The following YIPF5 variants were observed in gnomAD, a reference collection of about 807,000 sequenced individuals.
The protein encoded by YIPF5 is protein YIPF5.
A neutral mutation model predicts 30.4 loss-of-function variants in YIPF5; 8 were observed. The ratio of observed to expected loss-of-function variants is 0.26; its 90% CI spans 0.15 to 0.47. The LOEUF (loss-of-function observed/expected upper bound fraction) is 0.47, where lower values mean the gene tolerates loss of function less well. Ranked by LOEUF, YIPF5 falls within the 20% of genes least tolerant of loss-of-function variation. The pLI is 0.99. For missense variants in YIPF5, 282 were observed against 301.8 expected (o/e 0.93, Z 0.49); for synonymous variants, 104 against 107.9 (o/e 0.96, Z 0.23).
At chr5:144,169,647 C>T (rs1752305756) in intron 2 of YIPF5, among the ~76,000 whole-genome samples, 199 bp downstream of exon 2, 1 of 152,198 alleles carries the variant, frequency 6.6e-6, no homozygotes, top group Admixed American at 6.5e-5. Flanking sequence ...TTGCAGAAGA[C>T]ACTCAACTCT....
At chr5:144,167,573 G>A (rs983716596) in intron 2 of YIPF5, among the ~76,000 whole-genome samples, 1 of 152,108 alleles carries the variant, frequency 6.6e-6, no homozygotes, top group Admixed American at 6.5e-5. Context: ...AGCATATCTA[G>A]AATACAATGT....
At chr5:144,161,056 TAATA>T (rs1057482203) in intron 5 of YIPF5, among the ~76,000 whole-genome samples, 6 of 152,336 alleles carry the variant, frequency 3.9e-5, no homozygotes, top group East Asian at 1.9e-4. Context: ...TATAAATTCT[TAATA>T]AATAAGAGTG....
chr5:144,163,437 G>T (rs1400570091), intron 4 of YIPF5, among the ~76,000 whole-genome samples: 2 of 152,048 alleles, frequency 1.3e-5, no homozygotes, highest in Non-Finnish European at 2.9e-5. Context: ...AAATAATCTT[G>T]CTAGGTAAGA....
At chr5:144,168,711 A>C (rs558591349) in intron 2 of YIPF5, among the ~76,000 whole-genome samples, 1 of 152,332 alleles carries the variant, frequency 6.6e-6, no homozygotes, top group Admixed American at 6.5e-5. Flanking sequence ...AAATATACCA[A>C]ATTAAGCAGA....
rs1751923090 is a variant in YIPF5 at position 144,158,247 on chromosome 5, A to T, written c.*2150T>A. ...TTGATAAGAGAAGTTTTGGCTATAT[A>T]CAACTCTGCATGTAATCAAACTCTA... On this transcript the variant is annotated 3_prime_UTR_variant, in exon 6 of 6. Transcript: ENST00000274496. 2.6e-6 allele frequency: 1 copy of T among 378,672 alleles called. No homozygotes were observed. Among genetic ancestry groups the T allele is most frequent in the East Asian group, 9.9e-5 (1 of 10,140 alleles). 23.5% of individuals were successfully genotyped at this position (378,672 alleles called of 1,614,324 possible). A position where few individuals can be genotyped will look rare whatever the true frequency, so the allele number is the denominator to read the frequency against.
At chr5:144,168,278 G>A (rs1464189938) in intron 2 of YIPF5, among the ~76,000 whole-genome samples, 1 of 152,106 alleles carries the variant, frequency 6.6e-6, no homozygotes, top group Admixed American at 6.6e-5. Context: ...CCTTTTAAGT[G>A]ATGCAAACGT....
At position 144,158,314 on chromosome 5, in the gene YIPF5, G is replaced by C; in HGVS notation, c.*2083C>G. The C allele has an allele frequency of 1.4e-6, 1 of 728,608 alleles. No homozygotes were observed. The highest frequency in any genetic ancestry group is 2.0e-6 in the Non-Finnish European group (1 of 506,814). 45.1% of individuals were successfully genotyped at this position (728,608 alleles called of 1,614,324 possible). ...TCCACTGCATAGCTGTTTTGACAGA[G>C]CAACAGTTAAGCATAAAATAGCTTT... On this transcript the variant is annotated 3_prime_UTR_variant, in exon 6 of 6. Transcript: ENST00000274496.
intron 1 of YIPF5, chr5:144,170,187 T>C (rs1752333076): frequency 7.5e-6 from 4 of 531,746 alleles, no homozygotes; most frequent in Non-Finnish European, 1.4e-5. Context: ...AACTCCACCT[T>C]AAAGAGCTGA....
rs752749161 is a variant in YIPF5 at position 144,160,599 on chromosome 5, G to A, written c.612-40C>T. ...GAAAAAGGGGGGAGAAGAAAAAAAA[G>A]CAGATGAGATTAGTTATGTAAGAAT... On this transcript the variant is annotated intron_variant, in intron 5 of 5. Coordinates refer to ENST00000274496, the MANE Select transcript of YIPF5 (RefSeq NM_030799.9). The A allele has an allele frequency of 3.9e-6, 6 of 1,536,108 alleles. No individual in the cohort carries two copies. In the Admixed American group the frequency reaches 9.1e-5, roughly 23 times the overall value.
chr5:144,166,076 A>T lies in YIPF5; in HGVS notation c.111-472T>A, dbSNP rs549682977. On this transcript the variant is annotated intron_variant, in intron 2 of 5. Transcript: ENST00000274496. ...AGCCATCGAATTATCATTCTTCTTTACTCTTCATAGTATGTTACTTTTGGC... is the reference window on the plus strand; with the variant it reads ...AGCCATCGAATTATCATTCTTCTTTTCTCTTCATAGTATGTTACTTTTGGC... Among the ~76,000 whole-genome samples the T allele has an allele frequency of 6.4e-4, 97 of 152,250 alleles. 1 individual carries two copies. The highest frequency in any genetic ancestry group is 8.7e-4 in the Non-Finnish European group (59 of 67,994).
intron 2 of YIPF5, among the ~76,000 whole-genome samples, chr5:144,169,371 T>C (rs1209821511): frequency 6.6e-6 from 1 of 152,238 alleles, no homozygotes; most frequent in Non-Finnish European, 1.5e-5. Context: ...TCAACTGCTG[T>C]ATGAAAATCG....
At chr5:144,162,549 C>G in intron 4 of YIPF5, 150 bp from the exon 5 acceptor site, 1 of 713,744 alleles carries the variant, frequency 1.4e-6, no homozygotes, top group Non-Finnish European at 2.3e-6. Flanking sequence ...AAAGACTGAG[C>G]AGACTGGCTT....
At chr5:144,169,339 G>A (rs1173017784) in intron 2 of YIPF5, among the ~76,000 whole-genome samples, 1 of 152,184 alleles carries the variant, frequency 6.6e-6, no homozygotes, top group Non-Finnish European at 1.5e-5. Context: ...GGTTTGAGAA[G>A]GAGGAGTAAT....
In YIPF5 at chr5:144,158,609, C is replaced by G; in HGVS notation, c.*1788G>C. The G allele has an allele frequency of 9.4e-7, 1 of 1,063,846 alleles. No individual in the cohort carries two copies. The highest frequency in any genetic ancestry group is 1.1e-6 in the Non-Finnish European group (1 of 878,364). The allele number at this position is 1,063,846 out of a possible 1,614,324, so 65.9% of individuals were successfully genotyped here. ...TTAACAAAAACTATACTGAAAAAGACAAATGAATTGAAAAAGACAAAAATA... is the reference window on the plus strand; with the variant it reads ...TTAACAAAAACTATACTGAAAAAGAGAAATGAATTGAAAAAGACAAAAATA... On this transcript the variant is annotated 3_prime_UTR_variant, in exon 6 of 6. Transcript: ENST00000274496.
intron 2 of YIPF5, among the ~76,000 whole-genome samples, chr5:144,167,694 G>A (rs1330939265): frequency 6.6e-6 from 1 of 152,020 alleles, no homozygotes; most frequent in Non-Finnish European, 1.5e-5. Context: ...TGATACTTGT[G>A]AAACACCTAT....
rs1355301448 is a variant in YIPF5 at position 144,170,585 on chromosome 5, A to G, written c.-61T>C. 1 of 153,078 alleles carries G rather than the reference A, an allele frequency of 6.5e-6. No homozygotes were observed. Among genetic ancestry groups the G allele is most frequent in the African/African-American group, 2.4e-5 (1 of 41,476 alleles). The allele number at this position is 153,078 out of a possible 1,614,324, so 9.5% of individuals were successfully genotyped here. A position where few individuals can be genotyped will look rare whatever the true frequency, so the allele number is the denominator to read the frequency against. Reference sequence around the variant, plus strand: ...AAAGGCAGTAGCTTCACTAATCCCAAACAACCCCCAAACTCTGTTTCAGAC... The same window carrying G: ...AAAGGCAGTAGCTTCACTAATCCCAGACAACCCCCAAACTCTGTTTCAGAC... On this transcript the variant is annotated 5_prime_UTR_variant, in exon 1 of 6. Coordinates refer to ENST00000274496, the MANE Select transcript of YIPF5 (RefSeq NM_030799.9).
rs550768130 is a variant in YIPF5, at chr5:144,165,076, A to AT, written c.283+355dup. Among the ~76,000 whole-genome samples, 454 of 152,214 alleles carry AT rather than the reference A, an allele frequency of 3.0e-3. 3 individuals are homozygous for AT. The highest frequency in any genetic ancestry group is 8.3e-3 in the Admixed American group (127 of 15,276). Reference sequence around the variant, plus strand: ...TTTGGAACACAATTTGAAAATCACCATTTTTTTAGTGATGTCACTAGTTCT... The same window carrying AT: ...TTTGGAACACAATTTGAAAATCACCATTTTTTTTAGTGATGTCACTAGTTCT... On this transcript the variant is annotated intron_variant, in intron 3 of 5. Transcript: ENST00000274496.
At position 144,159,117 on chromosome 5, in the gene YIPF5, A is replaced by G; in HGVS notation, c.*1280T>C. ...AAATTTAATACAATAAAATAATGTA[A>G]CTCAAACTGCTCATTTAATCCCCTT... On this transcript the variant is annotated 3_prime_UTR_variant, in exon 6 of 6. Coordinates refer to ENST00000274496, the MANE Select transcript of YIPF5 (RefSeq NM_030799.9). 1.0e-6 allele frequency: 1 copy of G among 982,574 alleles called. No homozygotes were observed. 60.9% of individuals were successfully genotyped at this position (982,574 alleles called of 1,614,324 possible).
chr5:144,159,706 CTTT>C lies in YIPF5; in HGVS notation c.*688_*690del, dbSNP rs11459784. 1.6e-3 allele frequency: 1,396 copies of C among 887,674 alleles called. No individual in the cohort carries two copies. The highest frequency in any genetic ancestry group is 1.8e-3 in the South Asian group (34 of 19,204). The allele number at this position is 887,674 out of a possible 1,614,324, so 55.0% of individuals were successfully genotyped here. ...ATTTTTGCAGTAAGTCTTGTGTCTC[CTTT>C]TTTTTTTTTTTTTGAGACAGAGTCT... is the stretch of plus-strand genomic sequence containing the variant. On this transcript the variant is annotated 3_prime_UTR_variant, in exon 6 of 6. Transcript: ENST00000274496.
Sources: allele counts gnomAD v4.1 joint callset (sites outside exome capture counted in the v4.1 genomes callset), GRCh38; gene constraint gnomAD v4.1.1; transcripts MANE v1.5; gene names NCBI Gene and HGNC (gene_info 2026-07-23, HGNC 2026-07-21).